The following DYNC2I1 variants were observed in gnomAD, a reference collection of about 807,000 sequenced individuals.
DYNC2I1 encodes the protein dynein 2 intermediate chain 1.
Under a neutral mutation model 133.4 loss-of-function variants are expected in DYNC2I1, and 89 were observed. The ratio of observed to expected loss-of-function variants is 0.67; its 90% CI spans 0.56 to 0.80. The LOEUF (loss-of-function observed/expected upper bound fraction) is 0.80. Among genes scored for constraint, DYNC2I1 ranks in the 30% least tolerant of loss-of-function variants. DYNC2I1 has a pLI of 0.00. For missense variants in DYNC2I1, 1,291 were observed against 1,314.5 expected, an observed-to-expected ratio of 0.98 and a Z score of 0.28; for synonymous variants, 504 against 484.3, an observed-to-expected ratio of 1.04 and a Z score of -0.54.
chr7:158,841,204 TATATATATA>T, the DYNC2I1 span, among the ~76,000 whole-genome samples: 21 of 52,726 alleles, frequency 4.0e-4, 1 homozygote, highest in South Asian at 2.5e-3. Flanking sequence ...TATATATATA[TATATATATA>T]TATATATATT....
chr7:158,843,213 A>G, the DYNC2I1 span, among the ~76,000 whole-genome samples: 1 of 151,608 alleles, frequency 6.6e-6, no homozygotes, highest in Non-Finnish European at 1.5e-5. Flanking sequence ...TCCCACCTCA[A>G]ACTCCTGGGT....
At chr7:158,883,914 T>C (rs1191473186) in intron 5 of DYNC2I1, among the ~76,000 whole-genome samples, 1 of 151,732 alleles carries the variant, frequency 6.6e-6, no homozygotes, top group Non-Finnish European at 1.5e-5. Context: ...TCCGCCCGCC[T>C]CGGCCTCCCA....
the DYNC2I1 span, among the ~76,000 whole-genome samples, chr7:158,840,260 T>A: frequency 0.12 from 17,821 of 151,092 alleles, 1,426 homozygotes; most frequent in East Asian, 0.43. Flanking sequence ...AAAAAAAAAA[T>A]CAGAAATTAA....
chr7:158,888,608 C>T (rs1405106582), intron 7 of DYNC2I1, among the ~76,000 whole-genome samples: 1 of 151,200 alleles, frequency 6.6e-6, no homozygotes. Flanking sequence ...TAGCTGGGAT[C>T]ACAGGCATGC....
At chr7:158,937,892 C>T (rs536484253) in intron 23 of DYNC2I1, among the ~76,000 whole-genome samples, 1 of 151,934 alleles carries the variant, frequency 6.6e-6, no homozygotes, top group African/African-American at 2.4e-5. Context: ...AGAGTGAATA[C>T]TGTTTCTAAA....
At chr7:158,862,335 C>G (rs138015380) in intron 1 of DYNC2I1, among the ~76,000 whole-genome samples, 3 of 151,812 alleles carry the variant, frequency 2.0e-5, no homozygotes, top group African/African-American at 7.3e-5. Flanking sequence ...TTGTCAAGTA[C>G]TGGTTTACAG....
intron 7 of DYNC2I1, among the ~76,000 whole-genome samples, chr7:158,888,094 G>A (rs1446966645): frequency 2.2e-5 from 3 of 136,404 alleles, no homozygotes; most frequent in Non-Finnish European, 3.1e-5. Flanking sequence ...GCACGATCTC[G>A]GCTCACTGCA....
At chr7:158,919,996 C>T (rs189597096) in intron 15 of DYNC2I1, among the ~76,000 whole-genome samples, 24 of 152,264 alleles carry the variant, frequency 1.6e-4, no homozygotes, top group South Asian at 6.2e-4. Flanking sequence ...GCTGTGGCCT[C>T]CGTCGGAGAA....
intron 8 of DYNC2I1, among the ~76,000 whole-genome samples, chr7:158,898,576 G>A (rs1028241940): frequency 2.0e-5 from 3 of 152,150 alleles, no homozygotes; most frequent in Non-Finnish European, 4.4e-5. Context: ...ATTAGTGTGA[G>A]CATGGTATAT....
At position 158,945,557 on chromosome 7, in the gene DYNC2I1, C is replaced by G; in HGVS notation, c.3003-24C>G. On this transcript the variant is annotated intron_variant, in intron 24 of 24. Transcript: ENST00000407559. The surrounding 1 kb of genome is among the most constrained non-coding windows in gnomAD (Gnocchi z 4.1). ...ATGTCCCTTTGTGTGCACTGACCCT[C>G]TGCTTCTGCCCCTCTCCCTGCAGGC... The G allele has an allele frequency of 6.3e-7, 1 of 1,584,870 alleles. No homozygotes were observed. Among genetic ancestry groups the G allele is most frequent in the Non-Finnish European group, 8.6e-7 (1 of 1,166,238 alleles).
intron 5 of DYNC2I1, among the ~76,000 whole-genome samples, chr7:158,884,226 G>A (rs184897404): frequency 2.0e-5 from 3 of 151,526 alleles, no homozygotes; most frequent in Admixed American, 6.6e-5. Flanking sequence ...TGTATTTTTA[G>A]TAGAGACGGG....
chr7:158,926,927 C>A (rs1163310047), intron 19 of DYNC2I1, 65 bp from the exon 20 acceptor site: 40 of 1,235,950 alleles, frequency 3.2e-5, no homozygotes, highest in Non-Finnish European at 4.5e-5. Context: ...TAGAGCTATG[C>A]TTTGCTTAGG....
At chr7:158,957,010 C>CT (rs11398729), downstream of DYNC2I1, among the ~76,000 whole-genome samples, 23,764 of 152,082 alleles carry the variant, frequency 0.16, 2,058 homozygotes, top group Non-Finnish European at 0.17. Flanking sequence ...TTGTTGATCT[C>CT]TGTCCTCTCC....
intron 24 of DYNC2I1, among the ~76,000 whole-genome samples, chr7:158,944,114 T>C (rs976207286): frequency 2.6e-5 from 4 of 152,218 alleles, no homozygotes; most frequent in African/African-American, 7.2e-5. Flanking sequence ...TTAACACTTT[T>C]AGAGTTACGT....
intron 10 of DYNC2I1, 104 bp from the exon 11 acceptor site, chr7:158,905,885 A>G: frequency 1.3e-6 from 1 of 783,756 alleles, no homozygotes; most frequent in Non-Finnish European, 2.1e-6. Flanking sequence ...GGGTTTATTG[A>G]CTATAATTGT....
chr7:158,908,717 A>G (rs1033514176), intron 11 of DYNC2I1, among the ~76,000 whole-genome samples: 1 of 152,232 alleles, frequency 6.6e-6, no homozygotes, highest in East Asian at 1.9e-4. Flanking sequence ...TTGCCGCAGC[A>G]GGAGCCACCC....
At chr7:158,944,675 T>C (rs1181324705) in intron 24 of DYNC2I1, among the ~76,000 whole-genome samples, 1 of 152,112 alleles carries the variant, frequency 6.6e-6, no homozygotes, top group Non-Finnish European at 1.5e-5. Context: ...TCAGGTTGGA[T>C]GTGATTTTCA....
In DYNC2I1 at chr7:158,922,478, A is replaced by G. The variant is rs1849196742; in HGVS notation, c.2023A>G (p.Lys675Glu). The stretch of plus-strand genomic sequence containing the variant: ...GAGCTTTGTGCCCCTGCTGGACAGC[A>G]AATACGTCCTCTGTGTGTGGGATAT... ...EKSFVPLLDS[K>E]YVLCVWDIWQ... Residue 675 changes from lysine (K) to glutamate (E), a missense_variant, in exon 16 of 25, where the codon AAA (lysine) becomes GAA (glutamate). Physicochemically the swap from Lys to Glu is moderately conservative, Grantham distance 56 (BLOSUM62 1). Transcript: ENST00000407559. 6.2e-7 allele frequency: 1 copy of G among 1,614,016 alleles called. No individual in the cohort carries two copies. Among genetic ancestry groups the G allele is most frequent in the Non-Finnish European group, 8.5e-7 (1 of 1,179,906 alleles).
the DYNC2I1 span, among the ~76,000 whole-genome samples, chr7:158,843,872 T>C: frequency 2.0e-5 from 3 of 151,864 alleles, no homozygotes; most frequent in Admixed American, 1.3e-4. Context: ...GGAACTTTAA[T>C]ATTTAAAGGG....
Sources: gnomAD v4.1 joint callset for allele counts (sites outside exome capture counted in the v4.1 genomes callset) on GRCh38, gnomAD v4.1.1 for gene constraint, Gnocchi (gnomAD v3.1) non-coding constraint, MANE v1.5 for transcripts, NCBI Gene and HGNC (gene_info 2026-07-23, HGNC 2026-07-21) for gene names.